Variants in CAMK2D observed in about 807,000 individuals in gnomAD.
The protein encoded by CAMK2D is calcium/calmodulin dependent protein kinase II delta, also known as calcium/calmodulin-dependent protein kinase type II subunit delta.
CAMK2D carries 37 observed loss-of-function variants against 84.0 expected under a neutral mutation model. The ratio of observed to expected loss-of-function variants is 0.44; its 90% CI spans 0.34 to 0.58. The LOEUF (loss-of-function observed/expected upper bound fraction) is 0.58. Ranked by LOEUF, CAMK2D falls within the 20% of genes least tolerant of loss-of-function variation. The probability of loss-of-function intolerance (pLI) is 0.02; values close to 1 mark genes in which losing one functional copy is unlikely to be tolerated. For missense variants in CAMK2D, 448 were observed against 652.5 expected, an observed-to-expected ratio of 0.69 and a Z score of 3.41; for synonymous variants, 202 against 212.5, an observed-to-expected ratio of 0.95 and a Z score of 0.43.
intron 2 of CAMK2D, among the ~76,000 whole-genome samples, chr4:113,684,017 C>T (rs1413691538): frequency 1.3e-5 from 2 of 152,294 alleles, no homozygotes; most frequent in African/African-American, 4.8e-5. Flanking sequence ...AGGATGTTAA[C>T]AGCACCTACC....
chr4:113,642,615 T>C (rs2099136678), intron 3 of CAMK2D, among the ~76,000 whole-genome samples: 1 of 152,230 alleles, frequency 6.6e-6, no homozygotes, highest in Non-Finnish European at 1.5e-5. Context: ...TGGGCAACAA[T>C]AGCCATCTAG....
chr4:113,625,951 T>C (rs752973761), intron 3 of CAMK2D, among the ~76,000 whole-genome samples: 2 of 150,398 alleles, frequency 1.3e-5, no homozygotes, highest in Admixed American at 6.6e-5. Flanking sequence ...GAGGTGGAGG[T>C]TGTAGTGAGC....
At chr4:113,509,164 A>G (rs1460757958) in intron 13 of CAMK2D, among the ~76,000 whole-genome samples, 1 of 152,232 alleles carries the variant, frequency 6.6e-6, no homozygotes, top group African/African-American at 2.4e-5. Context: ...AGGAATAATT[A>G]AGACCTTTAT....
rs186618672 is a variant in CAMK2D, at chr4:113,465,299, C to T, written c.1211+230G>A. Among the ~76,000 whole-genome samples the T allele has an allele frequency of 1.7e-3, 256 of 152,284 alleles. 1 individual carries two copies. The highest frequency in any genetic ancestry group is 6.1e-3 in the African/African-American group (252 of 41,564). On this transcript the variant is annotated intron_variant, in intron 17 of 20. Transcript: ENST00000511664. ...CTTCCCACCTTGGCCTTCCAAAGTG[C>T]AAGGATTACAGGTGTGAGCCACTGT... is the stretch of plus-strand genomic sequence containing the variant.
chr4:113,683,516 A>G (rs2099351613), intron 2 of CAMK2D, among the ~76,000 whole-genome samples: 1 of 152,238 alleles, frequency 6.6e-6, no homozygotes, highest in Non-Finnish European at 1.5e-5. Flanking sequence ...TTACTTATTA[A>G]GTGCTACGGA....
In CAMK2D at chr4:113,685,219, A is replaced by G. The variant is rs182051492; in HGVS notation, c.161-23447T>C. 4.8e-3 allele frequency among the ~76,000 whole-genome samples: 732 copies of G among 151,358 alleles called. 10 individuals are homozygous for G. Among genetic ancestry groups the G allele is most frequent in the African/African-American group, 0.014 (577 of 41,300 alleles). On this transcript the variant is annotated intron_variant, in intron 2 of 20. Coordinates refer to ENST00000511664, the MANE Select transcript of CAMK2D (RefSeq NM_001321571.2). ...CCTTATATCATTTGAACAGATACAA[A>G]TGACTTACATTTCAGACTTCTTTTT...
intron 4 of CAMK2D, among the ~76,000 whole-genome samples, chr4:113,552,610 T>C (rs1297277576): frequency 6.6e-6 from 1 of 152,238 alleles, no homozygotes; most frequent in Non-Finnish European, 1.5e-5. Flanking sequence ...ATTAAGTTAA[T>C]TGTATTTGTC....
Position 113,504,995 on chromosome 4 carries a change from T to C in CAMK2D, c.1025A>G (p.Asn342Ser). The C allele has an allele frequency of 6.3e-7, 1 of 1,580,292 alleles. No individual in the cohort carries two copies. The highest frequency in any genetic ancestry group is 8.5e-7 in the Non-Finnish European group (1 of 1,170,362). The part of the protein sequence containing the change: ...KANVVTSPKE[N>S]IPTPALEPQT... ...GTATACCAGCGCTGGGGTAGGAATA[T>C]TTTCTTTGGGGCTGGTTACCACGTT... Residue 342 changes from asparagine to serine, a missense_variant, in exon 14 of 21, where the codon AAT becomes AGT. This residue lies in a region of CAMK2D where 219 missense variants were observed against 272.1 expected (regional missense o/e 0.80). Coordinates refer to ENST00000511664, the MANE Select transcript of CAMK2D (RefSeq NM_001321571.2).
At chr4:113,568,749 TTTTG>T (rs908417136) in intron 4 of CAMK2D, among the ~76,000 whole-genome samples, 4 of 152,324 alleles carry the variant, frequency 2.6e-5, no homozygotes, top group South Asian at 2.1e-4. Context: ...ACTTTCCATC[TTTTG>T]TTTGTTTGTT....
chr4:113,589,873 C>CAT (rs1182702114), intron 4 of CAMK2D, among the ~76,000 whole-genome samples: 1 of 152,076 alleles, frequency 6.6e-6, no homozygotes, highest in Non-Finnish European at 1.5e-5. Context: ...TGCCCAAGGA[C>CAT]CAAGCCCTTG....
chr4:113,759,298 A>G (rs754470807), intron 2 of CAMK2D, 22 bp downstream of exon 2: 25 of 1,447,056 alleles, frequency 1.7e-5, no homozygotes, highest in Non-Finnish European at 2.0e-5. Flanking sequence ...ATTAACCAAT[A>G]TATGTGGTTG....
At chr4:113,629,819 C>T (rs1036027057) in intron 3 of CAMK2D, among the ~76,000 whole-genome samples, 2 of 146,452 alleles carry the variant, frequency 1.4e-5, no homozygotes, top group African/African-American at 2.5e-5. Flanking sequence ...GGAGGAAAAA[C>T]AAATTCTCCA....
At chr4:113,643,436 A>T (rs1204123274) in intron 3 of CAMK2D, among the ~76,000 whole-genome samples, 1 of 152,232 alleles carries the variant, frequency 6.6e-6, no homozygotes, top group Non-Finnish European at 1.5e-5. Flanking sequence ...AAGTGTGTAG[A>T]ACAAATAGTC....
intron 2 of CAMK2D, among the ~76,000 whole-genome samples, chr4:113,702,886 G>A (rs927305789): frequency 2.6e-5 from 4 of 151,948 alleles, no homozygotes; most frequent in African/African-American, 4.8e-5. Context: ...GTGACAGAAC[G>A]AGACTCTTAT....
At chr4:113,751,542 T>C (rs552657321) in intron 2 of CAMK2D, among the ~76,000 whole-genome samples, 3 of 152,232 alleles carry the variant, frequency 2.0e-5, no homozygotes, top group African/African-American at 4.8e-5. Flanking sequence ...AAGGCCTAAG[T>C]GGGTGGATCA....
chr4:113,478,933 T>C (rs1156544040), intron 16 of CAMK2D, among the ~76,000 whole-genome samples: 4 of 152,198 alleles, frequency 2.6e-5, no homozygotes, highest in Non-Finnish European at 5.9e-5. Context: ...TTTTTGTCTA[T>C]TATCCCAACT....
At chr4:113,487,931 T>C (rs17591983) in intron 16 of CAMK2D, among the ~76,000 whole-genome samples, 10,182 of 152,100 alleles carry the variant, frequency 0.067, 595 homozygotes, top group East Asian at 0.21. Context: ...CTTAAAAGTC[T>C]GTATTATTGA....
chr4:113,751,511 C>G (rs2099617164), intron 2 of CAMK2D, among the ~76,000 whole-genome samples: 3 of 152,160 alleles, frequency 2.0e-5, no homozygotes, highest in Admixed American at 2.0e-4. Context: ...GCGGCTAACA[C>G]CTGTAATCCC....
At chr4:113,557,795 C>T (rs767441951) in intron 4 of CAMK2D, among the ~76,000 whole-genome samples, 5 of 152,050 alleles carry the variant, frequency 3.3e-5, no homozygotes, top group Non-Finnish European at 7.3e-5. Context: ...GGCACATATA[C>T]GTATATTATG....
Sources: allele counts gnomAD v4.1 joint callset (sites outside exome capture counted in the v4.1 genomes callset), GRCh38; gene constraint gnomAD v4.1.1; regional missense constraint gnomAD v4.1.1; transcripts MANE v1.5; gene names NCBI Gene and HGNC (gene_info 2026-07-23, HGNC 2026-07-21).